FBXL13: variants seen among roughly 807,000 people sequenced by gnomAD.
The protein encoded by FBXL13 is F-box and leucine rich repeat protein 13.
A neutral mutation model predicts 83.6 loss-of-function variants in FBXL13; 67 were observed. That is an observed-to-expected ratio of 0.80 (90% CI 0.66 to 0.98). The LOEUF (loss-of-function observed/expected upper bound fraction) is 0.98. FBXL13 is among the 50% of genes least tolerant of loss of function. The pLI is 0.00. For synonymous variants in FBXL13, 272 were observed against 299.5 expected (o/e 0.91, Z 0.95); for missense variants, 822 against 866.5 (o/e 0.95, Z 0.64).
At chr7:102,887,717 G>A (rs184926270) in intron 11 of FBXL13, among the ~76,000 whole-genome samples, 3 of 152,288 alleles carry the variant, frequency 2.0e-5, no homozygotes, top group Admixed American at 2.0e-4. Flanking sequence ...TTTACTCAAA[G>A]TCTACTGATT....
chr7:102,831,429 A>ACCCCC (rs1554403411), intron 18 of FBXL13, among the ~76,000 whole-genome samples: 2 of 148,662 alleles, frequency 1.3e-5, no homozygotes, highest in African/African-American at 5.0e-5. Flanking sequence ...ACACACACAC[A>ACCCCC]CACCCCACTA....
chr7:102,822,562 T>C, intron 18 of FBXL13: 3 of 421,250 alleles, frequency 7.1e-6, no homozygotes, highest in South Asian at 5.3e-5. Flanking sequence ...AAGGCCCCAC[T>C]TTCTATTACT....
chr7:103,014,176 G>C (rs1791978471), intron 6 of FBXL13, among the ~76,000 whole-genome samples: 1 of 152,108 alleles, frequency 6.6e-6, no homozygotes, highest in Non-Finnish European at 1.5e-5. Flanking sequence ...GCCAGGCATA[G>C]TGGCCTTTCT....
intron 8 of FBXL13, among the ~76,000 whole-genome samples, chr7:102,952,626 C>T (rs57616389): frequency 0.19 from 29,115 of 151,956 alleles, 2,989 homozygotes; most frequent in East Asian, 0.42. Context: ...AAAACTGACT[C>T]GAGAAGAAAC....
rs1307767886 is a variant in FBXL13, at chr7:102,848,292, C to G, written c.1719+6485G>C. ...ACATTCGAGGCCGGGCGCGGTGGCT[C>G]ACGCCTGTAATCCCAGCACTTTGGG... is the stretch of plus-strand genomic sequence containing the variant. On this transcript the variant is annotated intron_variant, in intron 17 of 19. Transcript: ENST00000313221. Among the ~76,000 whole-genome samples the G allele has an allele frequency of 4.3e-5, 2 of 46,502 alleles. 1 individual carries two copies. Among genetic ancestry groups the G allele is most frequent in the Non-Finnish European group, 7.3e-5 (2 of 27,428 alleles). 30.5% of individuals were successfully genotyped at this position (46,502 alleles called of 152,430 possible).
At position 102,968,118 on chromosome 7, in the gene FBXL13, C is replaced by T. The variant is rs1483922957; in HGVS notation, c.496-1G>A. 6.2e-7 allele frequency: 1 copy of T among 1,600,528 alleles called. No individual in the cohort carries two copies. Among genetic ancestry groups the T allele is most frequent in the Non-Finnish European group, 8.6e-7 (1 of 1,169,238 alleles). ...CTTTTAAACTGAGGTAGAAGAAAATCTAAACACAAAGAAAAATACACAACT... is the reference window on the plus strand; with the variant it reads ...CTTTTAAACTGAGGTAGAAGAAAATTTAAACACAAAGAAAAATACACAACT... On this transcript the variant is annotated splice_acceptor_variant, in intron 6 of 19. Transcript: ENST00000313221. LOFTEE classifies it high-confidence loss of function.
At chr7:102,969,121 C>T (rs1826303355) in intron 6 of FBXL13, among the ~76,000 whole-genome samples, 1 of 152,200 alleles carries the variant, frequency 6.6e-6, no homozygotes, top group South Asian at 2.1e-4. Context: ...CCTTCACATT[C>T]ACTCAACACT....
chr7:102,849,271 T>C (rs929354413), intron 17 of FBXL13, among the ~76,000 whole-genome samples: 2 of 152,234 alleles, frequency 1.3e-5, no homozygotes, highest in Admixed American at 6.5e-5. Context: ...AATCATTGAA[T>C]GTCTGTTGTT....
At chr7:102,964,404 ATT>A (rs1554482400) in intron 7 of FBXL13, among the ~76,000 whole-genome samples, 3 of 143,244 alleles carry the variant, frequency 2.1e-5, no homozygotes, top group Non-Finnish European at 3.0e-5. Flanking sequence ...ATATATATAT[ATT>A]TTTTTTTTTT....
chr7:102,971,244 A>C lies in FBXL13; in HGVS notation c.496-3127T>G, dbSNP rs145798371. Among the ~76,000 whole-genome samples the C allele has an allele frequency of 6.8e-4, 104 of 152,336 alleles. No homozygotes were observed. In the East Asian group the frequency reaches 0.019, roughly 28 times the overall value. ...GACAGAACAACATAAGGTGGAAGTC[A>C]GCAGAAACTATCAATCTGAGATACC... On this transcript the variant is annotated intron_variant, in intron 6 of 19. Coordinates refer to ENST00000313221, the Ensembl canonical transcript of FBXL13.
chr7:102,996,882 C>T (rs1789853254), intron 6 of FBXL13, among the ~76,000 whole-genome samples: 2 of 152,140 alleles, frequency 1.3e-5, no homozygotes, highest in African/African-American at 4.8e-5. Flanking sequence ...TGGCCTTGGA[C>T]TGCTTTTCTC....
chr7:102,873,710 C>T lies in FBXL13; in HGVS notation c.1635+3757G>A, dbSNP rs530165227. On this transcript the variant is annotated intron_variant, in intron 16 of 19. Transcript: ENST00000313221. ...ATGTGGCCTCTGGGCCCTCAGTGAC[C>T]TGACCCCTGTCTACCTCTCAAACAT... 1.3e-3 allele frequency among the ~76,000 whole-genome samples: 199 copies of T among 152,332 alleles called. 1 individual carries two copies. The highest frequency in any genetic ancestry group is 4.5e-3 in the African/African-American group (186 of 41,580).
intron 16 of FBXL13, among the ~76,000 whole-genome samples, chr7:102,869,656 T>C (rs184032971): frequency 3.9e-5 from 6 of 152,266 alleles, no homozygotes; most frequent in Admixed American, 2.0e-4. Flanking sequence ...TTTTTGTATA[T>C]GGTGAGAGAT....
rs143498648 is a variant in FBXL13 at position 102,813,346 on chromosome 7, G to A, written c.2204C>T (p.Ala735Val). 38 of 1,604,250 alleles carry A rather than the reference G, an allele frequency of 2.4e-5. No individual in the cohort carries two copies. In the South Asian group the frequency reaches 2.5e-4, roughly 10 times the overall value. ...CTTCCTGCTTGAGGCTGAAGGTCACGCTGCTTGGTCTTCACTGCTGTATGT... is the reference window on the plus strand; with the variant it reads ...CTTCCTGCTTGAGGCTGAAGGTCACACTGCTTGGTCTTCACTGCTGTATGT... Residue 735 changes from alanine to valine, a missense_variant, in exon 20 of 20, where the codon GCG (alanine) becomes GTG (valine). By Grantham distance (64) the Ala-to-Val change is moderately conservative (BLOSUM62 0). Transcript: ENST00000313221.
At chr7:102,825,191 TG>T (rs1308038189) in intron 18 of FBXL13, among the ~76,000 whole-genome samples, 1 of 152,174 alleles carries the variant, frequency 6.6e-6, no homozygotes, top group African/African-American at 2.4e-5. Flanking sequence ...ATGGTTTGAA[TG>T]TTTGTTCCCT....
chr7:103,065,551 A>G, intron 1 of FBXL13, among the ~76,000 whole-genome samples: 1 of 152,248 alleles, frequency 6.6e-6, no homozygotes, highest in Admixed American at 6.5e-5. Flanking sequence ...AATTTATTCT[A>G]TCTCATAAAG....
intron 2 of FBXL13, among the ~76,000 whole-genome samples, chr7:103,035,223 T>C (rs1040634887): frequency 6.6e-6 from 1 of 152,186 alleles, no homozygotes; most frequent in East Asian, 1.9e-4. Context: ...GAAGACCAGG[T>C]TGGCAGTTCT....
chr7:102,838,381 T>G (rs1802365989), intron 17 of FBXL13, among the ~76,000 whole-genome samples: 2 of 152,138 alleles, frequency 1.3e-5, no homozygotes. Flanking sequence ...TAGCTAGTAT[T>G]ATTATTTGTA....
At chr7:102,966,602 C>A (rs906271762) in intron 7 of FBXL13, among the ~76,000 whole-genome samples, 1 of 152,108 alleles carries the variant, frequency 6.6e-6, no homozygotes, top group Non-Finnish European at 1.5e-5. Context: ...TAGATAAAGA[C>A]CAAGAGCATT....
Sources: gnomAD v4.1 joint callset for allele counts (sites outside exome capture counted in the v4.1 genomes callset) on GRCh38, gnomAD v4.1.1 for gene constraint, MANE v1.5 for transcripts, NCBI Gene and HGNC (gene_info 2026-07-23, HGNC 2026-07-21) for gene names.